NINL: variants seen among roughly 807,000 people sequenced by gnomAD.
NINL encodes ninein-like protein.
Under a neutral mutation model 160.3 loss-of-function variants are expected in NINL, and 153 were observed. The ratio of observed to expected loss-of-function variants is 0.95; its 90% confidence interval spans 0.84 to 1.09. NINL has a LOEUF of 1.09. Among genes scored for constraint, NINL ranks in the 50% least tolerant of loss-of-function variants. The pLI is 0.00. For synonymous variants in NINL, 800 were observed against 734.8 expected (o/e 1.09, Z -1.43); for missense variants, 1,829 against 1,764.0 (o/e 1.04, Z -0.66).
In NINL at chr20:25,468,543, C is replaced by T. The variant is rs575826391; in HGVS notation, c.3354-1085G>A. Reference sequence around the variant, plus strand: ...GTTGGCACTGCCCTGCCCTGTCCCCCGACTCTCACTGGTGCGCACCCCCCT... The same window carrying T: ...GTTGGCACTGCCCTGCCCTGTCCCCTGACTCTCACTGGTGCGCACCCCCCT... On this transcript the variant is annotated intron_variant, in intron 18 of 23. Coordinates refer to ENST00000278886, the MANE Select transcript of NINL (RefSeq NM_025176.6). Among the ~76,000 whole-genome samples, 71 of 127,462 alleles carry T rather than the reference C, an allele frequency of 5.6e-4. 1 individual carries two copies. Among genetic ancestry groups the T allele is most frequent in the Admixed American group, 4.8e-3 (59 of 12,312 alleles). The allele number at this position is 127,462 out of a possible 152,430, so 83.6% of individuals were successfully genotyped here. A position where few individuals can be genotyped will look rare whatever the true frequency, so the allele number is the denominator to read the frequency against.
chr20:25,475,908 T>C, intron 17 of NINL, 135 bp downstream of exon 17: 1 of 877,350 alleles, frequency 1.1e-6, no homozygotes, highest in South Asian at 1.7e-5. Context: ...GCTGAAGGGC[T>C]ACACAGCCCC....
chr20:25,474,677 T>A, intron 17 of NINL, among the ~76,000 whole-genome samples: 1 of 151,616 alleles, frequency 6.6e-6, no homozygotes. Flanking sequence ...GTGAGTGGTG[T>A]GATCTCGGCT....
At chr20:25,549,477 GTC>G (rs1472341715) in intron 1 of NINL, among the ~76,000 whole-genome samples, 1 of 150,624 alleles carries the variant, frequency 6.6e-6, no homozygotes, top group Admixed American at 6.6e-5. Flanking sequence ...CCCAGACACT[GTC>G]TCTCTGGCCG....
At chr20:25,499,519 C>T (rs996200823) in intron 8 of NINL, among the ~76,000 whole-genome samples, 1 of 152,198 alleles carries the variant, frequency 6.6e-6, no homozygotes, top group Non-Finnish European at 1.5e-5. Context: ...AGGTGTCGGG[C>T]ATCTTGGAAC....
At chr20:25,483,594 G>A (rs1355326550) in intron 13 of NINL, among the ~76,000 whole-genome samples, 2 of 152,290 alleles carry the variant, frequency 1.3e-5, no homozygotes, top group Non-Finnish European at 2.9e-5. Context: ...ATGTTGGTAA[G>A]GAGACACTGG....
intron 1 of NINL, among the ~76,000 whole-genome samples, chr20:25,559,187 C>T (rs550535196): frequency 2.0e-5 from 3 of 152,308 alleles, no homozygotes; most frequent in Admixed American, 2.0e-4. Flanking sequence ...GTAAATGAAG[C>T]CAAGTCATTG....
intron 8 of NINL, among the ~76,000 whole-genome samples, chr20:25,499,990 A>G (rs2146778602): frequency 6.7e-6 from 1 of 150,364 alleles, no homozygotes; most frequent in African/African-American, 2.5e-5. Flanking sequence ...GAATGTATAT[A>G]TACATCTCTC....
intron 8 of NINL, among the ~76,000 whole-genome samples, chr20:25,499,906 G>A (rs969690690): frequency 4.1e-5 from 5 of 121,398 alleles, no homozygotes; most frequent in Non-Finnish European, 6.3e-5. Context: ...GCGAAGGGTC[G>A]CACAAATTAG....
At chr20:25,543,539 C>T (rs776194910) in intron 1 of NINL, among the ~76,000 whole-genome samples, 15 of 152,308 alleles carry the variant, frequency 9.8e-5, no homozygotes, top group Non-Finnish European at 1.5e-4. Flanking sequence ...AAAATCCTAA[C>T]TTTCGACGCC....
At chr20:25,550,966 C>A (rs942015649) in intron 1 of NINL, among the ~76,000 whole-genome samples, 1 of 152,098 alleles carries the variant, frequency 6.6e-6, no homozygotes, top group Non-Finnish European at 1.5e-5. Flanking sequence ...GGCCATATCT[C>A]AGGCTGTCTC....
intron 17 of NINL, among the ~76,000 whole-genome samples, chr20:25,472,130 A>T (rs2063108310): frequency 6.6e-6 from 1 of 151,922 alleles, no homozygotes; most frequent in Non-Finnish European, 1.5e-5. Flanking sequence ...CAAAATAAAA[A>T]CTCATGGGAT....
chr20:25,516,432 C>T (rs1384065467), intron 3 of NINL, among the ~76,000 whole-genome samples: 1 of 152,074 alleles, frequency 6.6e-6, no homozygotes, highest in Admixed American at 6.5e-5. Flanking sequence ...GCACAAGTTC[C>T]GAACAGTTTG....
intron 1 of NINL, among the ~76,000 whole-genome samples, chr20:25,556,249 A>G (rs1250686897): frequency 6.6e-6 from 1 of 152,072 alleles, no homozygotes. Context: ...ATGCCACTGC[A>G]CTCTAGCCTG....
chr20:25,535,704 T>G (rs1349413279), intron 1 of NINL, among the ~76,000 whole-genome samples: 1 of 152,080 alleles, frequency 6.6e-6, no homozygotes, highest in Non-Finnish European at 1.5e-5. Flanking sequence ...TTTTTAAAAA[T>G]AAAGAAAGAA....
At chr20:25,463,876 A>G (rs2062849411) in intron 19 of NINL, among the ~76,000 whole-genome samples, 1 of 152,218 alleles carries the variant, frequency 6.6e-6, no homozygotes, top group Non-Finnish European at 1.5e-5. Flanking sequence ...TCCCTTCCCT[A>G]GAACCTCAAG....
intron 2 of NINL, among the ~76,000 whole-genome samples, chr20:25,523,627 G>A (rs1187920233): frequency 6.6e-6 from 1 of 151,868 alleles, no homozygotes; most frequent in Non-Finnish European, 1.5e-5. Context: ...ACAAGGACTG[G>A]ATATGTAGTA....
rs79268156 is a variant in NINL, at chr20:25,544,651, C to CT, written c.-11-18054dup. Among the ~76,000 whole-genome samples the CT allele has an allele frequency of 8.5e-5, 13 of 152,304 alleles. No homozygotes were observed. In the East Asian group the frequency reaches 2.1e-3, roughly 25 times the overall value. ...GTTCTGAGTCCCACAACACTGGAGT[C>CT]TGTATTTTTCACATTACGATTCCTA... On this transcript the variant is annotated intron_variant, in intron 1 of 23. Transcript: ENST00000278886.
At chr20:25,561,984 C>T (rs1430554937) in intron 1 of NINL, among the ~76,000 whole-genome samples, 6 of 139,052 alleles carry the variant, frequency 4.3e-5, no homozygotes, top group African/African-American at 8.2e-5. Context: ...CCACCCCATC[C>T]GGGAGGTGAG....
intron 17 of NINL, 38 bp downstream of exon 17, chr20:25,476,005 T>G: frequency 6.3e-7 from 1 of 1,581,808 alleles, no homozygotes; most frequent in Middle Eastern, 1.7e-4. Flanking sequence ...CATTTTTAGT[T>G]TGAAGTGTTT....
Sources: gnomAD v4.1 joint callset for allele counts (sites outside exome capture counted in the v4.1 genomes callset) on GRCh38, gnomAD v4.1.1 for gene constraint, MANE v1.5 for transcripts, NCBI Gene and HGNC (gene_info 2026-07-23, HGNC 2026-07-21) for gene names.